The following ATXN7L1 variants were observed in gnomAD, a reference collection of about 807,000 sequenced individuals.
ATXN7L1 encodes the protein ataxin 7 like 1, also known as ataxin-7-like protein 1.
ATXN7L1 carries 15 observed loss-of-function variants against 70.8 expected under a neutral mutation model. The ratio of observed to expected loss-of-function variants is 0.21; its 90% CI spans 0.14 to 0.33. The LOEUF is 0.33. Among genes scored for constraint, ATXN7L1 ranks in the 10% least tolerant of loss-of-function variants. The probability of loss-of-function intolerance (pLI) is 1.00; values close to 1 mark genes in which losing one functional copy is unlikely to be tolerated. For synonymous variants in ATXN7L1, 440 were observed against 445.1 expected (o/e 0.99, Z 0.14); for missense variants, 975 against 1,097.1 (o/e 0.89, Z 1.57).
intron 2 of ATXN7L1, among the ~76,000 whole-genome samples, chr7:105,863,941 AC>A (rs1817008155): frequency 6.6e-6 from 1 of 152,162 alleles, no homozygotes; most frequent in African/African-American, 2.4e-5. Flanking sequence ...TAAAACACAA[AC>A]AAAAAACTCC....
At chr7:105,801,613 G>A (rs1806833799) in intron 2 of ATXN7L1, among the ~76,000 whole-genome samples, 1 of 151,950 alleles carries the variant, frequency 6.6e-6, no homozygotes, top group African/African-American at 2.4e-5. Context: ...GTACATGTAG[G>A]GATACTGAGG....
At position 105,686,698 on chromosome 7, in the gene ATXN7L1, C is replaced by T. The variant is rs146280762; in HGVS notation, c.356-21410G>A. ...ATATCTCATGTAATGTATTGCATAT[C>T]ATATTGAAAATGAAAAACAGAATGG... On this transcript the variant is annotated intron_variant, in intron 3 of 11. Coordinates refer to ENST00000419735, the MANE Select transcript of ATXN7L1 (RefSeq NM_020725.2). Among the ~76,000 whole-genome samples, 1,369 of 152,258 alleles carry T rather than the reference C, an allele frequency of 9.0e-3. 26 individuals carry two copies. Among genetic ancestry groups the T allele is most frequent in the African/African-American group, 0.031 (1,277 of 41,536 alleles).
At chr7:105,619,140 G>GTTTTTTTT (rs1191774371) in intron 9 of ATXN7L1, among the ~76,000 whole-genome samples, 5,976 of 49,750 alleles carry the variant, frequency 0.12, 2,182 homozygotes, top group Non-Finnish European at 0.14. Flanking sequence ...GAAATCTTTA[G>GTTTTTTTT]TTTTTTTTTT....
chr7:105,810,544 TAGA>T (rs1325475351), intron 2 of ATXN7L1, among the ~76,000 whole-genome samples: 6 of 152,292 alleles, frequency 3.9e-5, no homozygotes, highest in Non-Finnish European at 7.3e-5. Flanking sequence ...CTGAGCAGAC[TAGA>T]AGAAGGTGAG....
intron 3 of ATXN7L1, chr7:105,761,349 G>A (rs1216398256): frequency 6.2e-7 from 1 of 1,613,496 alleles, no homozygotes; most frequent in Non-Finnish European, 8.5e-7. Context: ...TCTTTCAGAA[G>A]TTGTACGTCT....
intron 3 of ATXN7L1, among the ~76,000 whole-genome samples, chr7:105,709,692 G>A (rs34332151): frequency 0.056 from 8,468 of 152,154 alleles, 282 homozygotes; most frequent in Admixed American, 0.073. Flanking sequence ...TCACCAGAAA[G>A]GCTTGCCTAC....
At chr7:105,820,126 C>CA (rs562797891) in intron 2 of ATXN7L1, 7,519 of 64,220 alleles carry the variant, frequency 0.12, 1,895 homozygotes, top group African/African-American at 0.21. Context: ...GTTTATTCCT[C>CA]AAAAAAAAAA....
At chr7:105,619,189 C>A (rs1794434215) in intron 9 of ATXN7L1, among the ~76,000 whole-genome samples, 1 of 114,450 alleles carries the variant, frequency 8.7e-6, no homozygotes, top group African/African-American at 3.3e-5. Flanking sequence ...CCTCTGTCAC[C>A]CAGGGTGGAG....
chr7:105,668,390 T>C (rs990501340), intron 3 of ATXN7L1, among the ~76,000 whole-genome samples: 1 of 152,118 alleles, frequency 6.6e-6, no homozygotes, highest in East Asian at 1.9e-4. Context: ...TGTGCCACCA[T>C]ACCCGGCTAA....
intron 7 of ATXN7L1, among the ~76,000 whole-genome samples, chr7:105,625,417 AT>A (rs1392307763): frequency 7.9e-5 from 12 of 152,098 alleles, no homozygotes; most frequent in African/African-American, 2.9e-4. Flanking sequence ...TGCCTGGCTA[AT>A]TTTTGTATTT....
intron 2 of ATXN7L1, among the ~76,000 whole-genome samples, chr7:105,827,384 T>C (rs576056181): frequency 6.6e-6 from 1 of 152,360 alleles, no homozygotes; most frequent in South Asian, 2.1e-4. Context: ...CAGTACTCTT[T>C]TATGTCTTTA....
intron 2 of ATXN7L1, among the ~76,000 whole-genome samples, chr7:105,833,079 A>C: frequency 6.6e-6 from 1 of 151,900 alleles, no homozygotes; most frequent in Non-Finnish European, 1.5e-5. Flanking sequence ...TAAAGTCCTT[A>C]CTCCTCACAT....
intron 7 of ATXN7L1, among the ~76,000 whole-genome samples, chr7:105,628,084 C>T (rs992670694): frequency 4.6e-5 from 7 of 151,322 alleles, no homozygotes; most frequent in African/African-American, 1.7e-4. Flanking sequence ...ACCTCGTGAT[C>T]CACCCGTCTC....
intron 3 of ATXN7L1, among the ~76,000 whole-genome samples, chr7:105,670,661 T>TAA (rs11462722): frequency 1.5e-3 from 217 of 147,386 alleles, no homozygotes; most frequent in Middle Eastern, 3.6e-3. Context: ...TATTTATCTT[T>TAA]AAAAAAAAAA....
intron 3 of ATXN7L1, among the ~76,000 whole-genome samples, chr7:105,682,799 A>C (rs375736478): frequency 4.6e-5 from 7 of 152,222 alleles, no homozygotes; most frequent in Admixed American, 4.6e-4. Context: ...GGGAGGGGGA[A>C]TAACTGCTTA....
At chr7:105,769,969 C>T (rs1010613560) in intron 3 of ATXN7L1, among the ~76,000 whole-genome samples, 2 of 152,174 alleles carry the variant, frequency 1.3e-5, no homozygotes, top group Non-Finnish European at 2.9e-5. Flanking sequence ...TCGTGGCATT[C>T]GGCGTAAAAC....
chr7:105,632,548 A>T (rs1174810324), intron 7 of ATXN7L1, among the ~76,000 whole-genome samples: 2 of 152,224 alleles, frequency 1.3e-5, no homozygotes, highest in East Asian at 3.8e-4. Flanking sequence ...GTAACACAGG[A>T]AAACATCCCA....
At chr7:105,701,751 C>T (rs1424732110) in intron 3 of ATXN7L1, among the ~76,000 whole-genome samples, 1 of 152,140 alleles carries the variant, frequency 6.6e-6, no homozygotes, top group African/African-American at 2.4e-5. Flanking sequence ...GTAACCCAGG[C>T]TGGACTGCAG....
intron 2 of ATXN7L1, among the ~76,000 whole-genome samples, chr7:105,827,660 G>C (rs1007193678): frequency 6.6e-6 from 1 of 152,156 alleles, no homozygotes; most frequent in African/African-American, 2.4e-5. Context: ...GTATACCCAG[G>C]GGTCCTGGAA....
Sources: gnomAD v4.1 joint callset for allele counts (sites outside exome capture counted in the v4.1 genomes callset) on GRCh38, gnomAD v4.1.1 for gene constraint, MANE v1.5 for transcripts, NCBI Gene and HGNC (gene_info 2026-07-23, HGNC 2026-07-21) for gene names.